The following GRID2 variants were observed in gnomAD, a reference collection of about 807,000 sequenced individuals.
GRID2 encodes glutamate receptor ionotropic, delta-2.
A neutral mutation model predicts 114.8 loss-of-function variants in GRID2; 33 were observed. The observed-to-expected ratio is 0.29, with a 90% CI of 0.22 to 0.38. The LOEUF is 0.38. Among genes scored for constraint, GRID2 ranks in the 10% least tolerant of loss-of-function variants. The pLI, the probability that GRID2 is intolerant of heterozygous loss-of-function variation, is 1.00. For synonymous variants in GRID2, 505 were observed against 449.9 expected (o/e 1.12, Z -1.55); for missense variants, 1,184 against 1,257.7 (o/e 0.94, Z 0.89).
intron 8 of GRID2, among the ~76,000 whole-genome samples, chr4:93,356,596 A>G (rs1761357181): frequency 6.6e-6 from 1 of 151,938 alleles, no homozygotes; most frequent in Admixed American, 6.6e-5. Flanking sequence ...AATGAATTAA[A>G]CAGTTATGAA....
At chr4:92,541,358 A>G (rs1002147845) in intron 1 of GRID2, among the ~76,000 whole-genome samples, 1 of 152,008 alleles carries the variant, frequency 6.6e-6, no homozygotes, top group African/African-American at 2.4e-5. Context: ...TCAAGAAACA[A>G]TTTTTTGGTC....
intron 2 of GRID2, among the ~76,000 whole-genome samples, chr4:92,940,357 G>A (rs1751013138): frequency 7.0e-6 from 1 of 143,632 alleles, no homozygotes. Context: ...TCATAATTTG[G>A]CTCTCTGTTT....
intron 2 of GRID2, among the ~76,000 whole-genome samples, chr4:93,070,088 G>A (rs780262700): frequency 6.6e-5 from 10 of 152,034 alleles, no homozygotes; most frequent in Non-Finnish European, 5.9e-5. Context: ...CACACAAAAA[G>A]TATTAGTGTC....
chr4:93,733,031 T>C (rs1730626569), intron 14 of GRID2, among the ~76,000 whole-genome samples: 4 of 152,116 alleles, frequency 2.6e-5, no homozygotes, highest in African/African-American at 9.7e-5. Flanking sequence ...TAACAACATA[T>C]TTGTATTGTT....
At chr4:93,616,923 G>A (rs1225940939) in intron 13 of GRID2, among the ~76,000 whole-genome samples, 2 of 151,358 alleles carry the variant, frequency 1.3e-5, no homozygotes, top group Non-Finnish European at 2.9e-5. Flanking sequence ...AACCCGGGAG[G>A]TGGAGCTTGC....
chr4:93,588,502 C>G (rs934524622), intron 13 of GRID2, among the ~76,000 whole-genome samples: 2 of 152,156 alleles, frequency 1.3e-5, no homozygotes, highest in African/African-American at 2.4e-5. Context: ...CATCCTTTTA[C>G]TTTGCAGTAA....
intron 13 of GRID2, among the ~76,000 whole-genome samples, chr4:93,591,691 T>G (rs1482225420): frequency 6.6e-6 from 1 of 152,078 alleles, no homozygotes; most frequent in Non-Finnish European, 1.5e-5. Flanking sequence ...GGTCCTGGAC[T>G]CTTTTTGGTT....
intron 4 of GRID2, among the ~76,000 whole-genome samples, chr4:93,178,380 ATTTTT>A (rs11428288): frequency 7.6e-4 from 38 of 50,328 alleles, no homozygotes; most frequent in African/African-American, 2.0e-3. Context: ...TTGAAAATAG[ATTTTT>A]TTTTTTTTTT....
chr4:93,124,112 A>AG (rs1220380669), intron 4 of GRID2, among the ~76,000 whole-genome samples: 2 of 96,696 alleles, frequency 2.1e-5, no homozygotes, highest in Admixed American at 1.2e-4. Context: ...ATAATAAAAA[A>AG]AAAAGAAAAA....
At chr4:92,631,864 C>T (rs1341383232) in intron 2 of GRID2, among the ~76,000 whole-genome samples, 1 of 151,976 alleles carries the variant, frequency 6.6e-6, no homozygotes, top group Non-Finnish European at 1.5e-5. Context: ...GAACACTTTC[C>T]CCAATGAACG....
intron 11 of GRID2, among the ~76,000 whole-genome samples, chr4:93,458,599 C>T (rs543698503): frequency 2.0e-5 from 3 of 152,204 alleles, no homozygotes; most frequent in Admixed American, 2.0e-4. Flanking sequence ...TTGCAGAGAA[C>T]ATCCTGGATG....
At chr4:92,551,667 T>A (rs1242390627) in intron 1 of GRID2, among the ~76,000 whole-genome samples, 1 of 152,180 alleles carries the variant, frequency 6.6e-6, no homozygotes, top group African/African-American at 2.4e-5. Flanking sequence ...GGACTTATAC[T>A]GCATGAAGAA....
In GRID2 at chr4:93,431,873, A is replaced by G. The variant is rs138691479; in HGVS notation, c.1545+8905A>G. On this transcript the variant is annotated intron_variant, in intron 10 of 15. Coordinates refer to ENST00000282020, the MANE Select transcript of GRID2 (RefSeq NM_001510.4). The stretch of plus-strand genomic sequence containing the variant: ...TGGAACAGATTCAACTCCATCAAAA[A>G]TGATTAAACTGAAAATTGATTTTAA... 3.3e-5 allele frequency among the ~76,000 whole-genome samples: 5 copies of G among 152,342 alleles called. No homozygotes were observed. The East Asian group carries it at 9.6e-4, about 29-fold the overall frequency.
intron 2 of GRID2, among the ~76,000 whole-genome samples, chr4:92,762,170 C>G (rs912540765): frequency 1.1e-4 from 16 of 152,134 alleles, no homozygotes; most frequent in African/African-American, 3.4e-4. Flanking sequence ...CCCTCAGCCT[C>G]CCAAAGTGCT....
chr4:93,326,294 C>T (rs1757829242), intron 8 of GRID2, among the ~76,000 whole-genome samples: 1 of 152,102 alleles, frequency 6.6e-6, no homozygotes, highest in Admixed American at 6.6e-5. Flanking sequence ...TGTTATTGCC[C>T]CACCACTGGG....
chr4:92,819,494 G>A (rs1320492982), intron 2 of GRID2, among the ~76,000 whole-genome samples: 1 of 152,118 alleles, frequency 6.6e-6, no homozygotes, highest in Admixed American at 6.6e-5. Flanking sequence ...GCCTCACTCA[G>A]TAACTATGTG....
At chr4:92,743,997 A>AT (rs1340989587) in intron 2 of GRID2, among the ~76,000 whole-genome samples, 2 of 151,338 alleles carry the variant, frequency 1.3e-5, no homozygotes, top group African/African-American at 4.9e-5. Context: ...TCCTTCACTT[A>AT]TTTTTTTTCT....
At chr4:93,715,071 A>C (rs889868339) in intron 14 of GRID2, among the ~76,000 whole-genome samples, 1 of 152,106 alleles carries the variant, frequency 6.6e-6, no homozygotes, top group Admixed American at 6.6e-5. Context: ...TGGGTTTTAC[A>C]TTTAAATTTT....
intron 1 of GRID2, among the ~76,000 whole-genome samples, chr4:92,313,266 G>C (rs1486713457): frequency 1.3e-5 from 2 of 152,120 alleles, no homozygotes; most frequent in East Asian, 1.9e-4. Context: ...CTGATATGTG[G>C]GAGCTAAGCT....
Sources: gnomAD v4.1 joint callset for allele counts (sites outside exome capture counted in the v4.1 genomes callset) on GRCh38, gnomAD v4.1.1 for gene constraint, MANE v1.5 for transcripts, NCBI Gene and HGNC (gene_info 2026-07-23, HGNC 2026-07-21) for gene names.